SERAC1: variants seen among roughly 807,000 people sequenced by gnomAD.
SERAC1 encodes protein SERAC1.
In SERAC1, 36 loss-of-function variants were observed where a neutral mutation model predicts 85.7. That is an observed-to-expected ratio of 0.42 (90% confidence interval 0.32 to 0.55). The LOEUF (loss-of-function observed/expected upper bound fraction) is 0.55. Ranked by LOEUF, SERAC1 falls within the 20% of genes least tolerant of loss-of-function variation. SERAC1 has a pLI of 0.11. For synonymous variants in SERAC1, 242 were observed against 265.3 expected (o/e 0.91, Z 0.85); for missense variants, 629 against 796.2 (o/e 0.79, Z 2.53).
At position 158,119,106 on chromosome 6, in the gene SERAC1, G is replaced by A. The variant is rs1167473358; in HGVS notation, c.1231C>T (p.Arg411Cys). ...ACAGCCTGCTCACTGTCCTGCTGGCGCCATGTTTTGAATGCTGCTCCCATA... is the reference window on the plus strand; with the variant it reads ...ACAGCCTGCTCACTGTCCTGCTGGCACCATGTTTTGAATGCTGCTCCCATA... The part of the protein sequence containing the change: ...GLMGAAFKTW[R>C]QQDSEQAVIE... The change falls in exon 12 of 17, where the codon CGC becomes TGC. Residue 411 changes from arginine (R) to cysteine (C), a missense_variant. Arg to Cys is a radical substitution (Grantham distance 180). Coordinates refer to ENST00000647468, the MANE Select transcript of SERAC1 (RefSeq NM_032861.4). This position sits in a 1 kb window ranked among gnomAD's most constrained non-coding sequence, Gnocchi z 4.5. 5 of 1,613,628 alleles carry A rather than the reference G, an allele frequency of 3.1e-6. No individual in the cohort carries two copies. In the Admixed American group the frequency reaches 5.0e-5, roughly 16 times the overall value.
At chr6:158,149,692 T>C (rs1785159506) in intron 4 of SERAC1, among the ~76,000 whole-genome samples, 1 of 152,176 alleles carries the variant, frequency 6.6e-6, no homozygotes, top group Non-Finnish European at 1.5e-5. Context: ...ATTGTAAACA[T>C]ACCATAAAAG....
chr6:158,138,586 A>G (rs1275408057), intron 8 of SERAC1, among the ~76,000 whole-genome samples: 1 of 152,130 alleles, frequency 6.6e-6, no homozygotes, highest in Non-Finnish European at 1.5e-5. Context: ...GAGCTCCGAC[A>G]TGGGGGTGCA....
At position 158,119,267 on chromosome 6, in the gene SERAC1, G is replaced by A; in HGVS notation, c.1167-97C>T. On this transcript the variant is annotated intron_variant, in intron 11 of 16. Coordinates refer to ENST00000647468, the MANE Select transcript of SERAC1 (RefSeq NM_032861.4). The surrounding 1 kb of genome is among the most constrained non-coding windows in gnomAD (Gnocchi z 4.5). The stretch of plus-strand genomic sequence containing the variant: ...TTCTCTGTGGATGGTGCTTTAGCAG[G>A]CTTATGTGACATAAAACTGAATTAA... 2 of 1,378,782 alleles carry A rather than the reference G, an allele frequency of 1.5e-6. No individual in the cohort carries two copies. Among genetic ancestry groups the A allele is most frequent in the East Asian group, 5.2e-5 (2 of 38,816 alleles). 85.4% of individuals were successfully genotyped at this position (1,378,782 alleles called of 1,614,324 possible). A position where few individuals can be genotyped will look rare whatever the true frequency, so the allele number is the denominator to read the frequency against.
At position 158,146,692 on chromosome 6, in the gene SERAC1, G is replaced by A. The variant is rs1329523163; in HGVS notation, c.487+90C>T. On this transcript the variant is annotated intron_variant, in intron 6 of 16. Coordinates refer to ENST00000647468, the MANE Select transcript of SERAC1 (RefSeq NM_032861.4). ...CCCAAAGTGCTGGGATTACAGGCGT[G>A]AGCCACCGCACCTGGCCACTCCCTT... The A allele has an allele frequency of 3.9e-6, 6 of 1,527,140 alleles. 1 individual carries two copies. Among genetic ancestry groups the A allele is most frequent in the South Asian group, 3.6e-5 (3 of 84,182 alleles). The allele number at this position is 1,527,140 out of a possible 1,614,324, so 94.6% of individuals were successfully genotyped here. A position where few individuals can be genotyped will look rare whatever the true frequency, so the allele number is the denominator to read the frequency against.
chr6:158,133,478 C>T (rs1332371045), intron 8 of SERAC1, among the ~76,000 whole-genome samples: 1 of 149,604 alleles, frequency 6.7e-6, no homozygotes, highest in African/African-American at 2.5e-5. Flanking sequence ...CTCCGCCTCC[C>T]GGGTTCAAGT....
At chr6:158,146,676 C>T (rs1435628487) in intron 6 of SERAC1, 106 bp downstream of exon 6, 2 of 1,425,032 alleles carry the variant, frequency 1.4e-6, no homozygotes, top group Non-Finnish European at 9.6e-7. Context: ...TCCCAAAGTG[C>T]TGGGATTACA....
chr6:158,144,230 C>A, intron 7 of SERAC1, 69 bp downstream of exon 7: 2 of 1,252,774 alleles, frequency 1.6e-6, no homozygotes, highest in Non-Finnish European at 2.2e-6. Context: ...GTGTTTTGTA[C>A]CCCAAGTGAA....
At chr6:158,118,741 T>G (rs1784352071) in intron 12 of SERAC1, among the ~76,000 whole-genome samples, 1 of 152,238 alleles carries the variant, frequency 6.6e-6, no homozygotes, top group Admixed American at 6.5e-5. Flanking sequence ...AGTATTGTTA[T>G]GTTATTTTTG....
intron 8 of SERAC1, among the ~76,000 whole-genome samples, chr6:158,140,701 A>AG (rs1240313528): frequency 6.6e-6 from 1 of 152,132 alleles, no homozygotes; most frequent in African/African-American, 2.4e-5. Flanking sequence ...TGGTATCTGA[A>AG]GTGGGGGGCA....
In SERAC1 at chr6:158,119,184, G is replaced by T; in HGVS notation, c.1167-14C>A. On this transcript the variant is annotated splice_polypyrimidine_tract_variant and intron_variant, in intron 11 of 16. Transcript: ENST00000647468. This position sits in a 1 kb window ranked among gnomAD's most constrained non-coding sequence, Gnocchi z 4.5. ...TTAATGGGCTGACTAATAGGGGAGA[G>T]AGTTTTAAAAAGAAGCAGAATAAAT... 1.9e-6 allele frequency: 3 copies of T among 1,600,032 alleles called. No individual in the cohort carries two copies. Among genetic ancestry groups the T allele is most frequent in the Non-Finnish European group, 2.6e-6 (3 of 1,172,080 alleles).
chr6:158,154,313 T>C (rs1559849), intron 3 of SERAC1, among the ~76,000 whole-genome samples: 21,865 of 152,174 alleles, frequency 0.14, 2,489 homozygotes, highest in East Asian at 0.42. Flanking sequence ...ATGTTCACTA[T>C]ATTCCTGAAT....
intron 8 of SERAC1, among the ~76,000 whole-genome samples, chr6:158,138,447 A>G (rs1296615456): frequency 6.6e-6 from 1 of 151,392 alleles, no homozygotes; most frequent in East Asian, 1.9e-4. Context: ...AAAAAAAAAA[A>G]AAAAAAAAAA....
intron 8 of SERAC1, among the ~76,000 whole-genome samples, chr6:158,142,626 G>A (rs1224915455): frequency 6.6e-6 from 1 of 152,068 alleles, no homozygotes; most frequent in African/African-American, 2.4e-5. Context: ...ATGGGCATGT[G>A]CCACCACGCC....
intron 10 of SERAC1, among the ~76,000 whole-genome samples, chr6:158,126,385 T>C (rs998157314): frequency 1.3e-5 from 2 of 150,034 alleles, no homozygotes; most frequent in African/African-American, 5.0e-5. Context: ...CTCCCATTAG[T>C]CAAAGCTGGA....
chr6:158,116,368 T>G, intron 13 of SERAC1, 86 bp from the exon 14 acceptor site: 3 of 990,032 alleles, frequency 3.0e-6, no homozygotes, highest in Non-Finnish European at 4.8e-6. Context: ...AGAACTTTAG[T>G]CTACAGGACC....
intron 6 of SERAC1, chr6:158,145,440 A>G (rs1445216264): frequency 6.6e-6 from 1 of 152,092 alleles, no homozygotes; most frequent in Non-Finnish European, 1.5e-5. Context: ...TACATTATAA[A>G]TTATAATTAT....
intron 10 of SERAC1, among the ~76,000 whole-genome samples, chr6:158,125,450 T>G (rs530287002): frequency 6.6e-6 from 1 of 152,192 alleles, no homozygotes; most frequent in African/African-American, 2.4e-5. Context: ...AACCTTGATC[T>G]TGAACTTCCC....
intron 15 of SERAC1, 96 bp downstream of exon 15, chr6:158,114,693 A>AAATGAGATAATACATTCAAGGAATATAT: frequency 6.3e-7 from 1 of 1,579,422 alleles, no homozygotes; most frequent in Non-Finnish European, 8.6e-7. Context: ...ACAAATTATA[A>AAATGAGATAATACATTCAAGGAATATAT]AATGAGATAA....
In SERAC1 at chr6:158,109,879, T is replaced by C. The variant is rs1562427526; in HGVS notation, c.*1487A>G. ...TGAATGAACCTTGAAAACATGCTAA[T>C]AGAAGGAAGAAGGCAGAGAGGGCCA... On this transcript the variant is annotated 3_prime_UTR_variant, in exon 17 of 17. Coordinates refer to ENST00000647468, the MANE Select transcript of SERAC1 (RefSeq NM_032861.4). 1 of 152,132 alleles carries C rather than the reference T, an allele frequency of 6.6e-6. No individual in the cohort carries two copies. The highest frequency in any genetic ancestry group is 2.4e-5 in the African/African-American group (1 of 41,424). The allele number at this position is 152,132 out of a possible 1,614,324, so 9.4% of individuals were successfully genotyped here. A position where few individuals can be genotyped will look rare whatever the true frequency, so the allele number is the denominator to read the frequency against.
Sources: allele counts gnomAD v4.1 joint callset (sites outside exome capture counted in the v4.1 genomes callset), GRCh38; gene constraint gnomAD v4.1.1; non-coding constraint Gnocchi (gnomAD v3.1); transcripts MANE v1.5; gene names NCBI Gene and HGNC (gene_info 2026-07-23, HGNC 2026-07-21).